The following MBP variants were observed in gnomAD, a reference collection of about 807,000 sequenced individuals.
MBP encodes Golli-MBP.
Under a neutral mutation model 35.8 loss-of-function variants are expected in MBP, and 16 were observed. The observed-to-expected ratio is 0.45, with a 90% CI of 0.30 to 0.68. The LOEUF (loss-of-function observed/expected upper bound fraction) is 0.68. MBP is among the 30% of genes least tolerant of loss of function. The pLI is 0.08. For synonymous variants in MBP, 143 were observed against 159.6 expected (o/e 0.90, Z 0.78); for missense variants, 380 against 404.7 (o/e 0.94, Z 0.52).
chr18:77,120,306 G>C (rs558205829), intron 1 of MBP, among the ~76,000 whole-genome samples: 3 of 152,218 alleles, frequency 2.0e-5, no homozygotes, highest in African/African-American at 7.2e-5. Flanking sequence ...TGACCGGCAC[G>C]GCCAGGTGAC....
chr18:77,015,669 C>T (rs1971585512), intron 4 of MBP: 1 of 985,338 alleles, frequency 1.0e-6, no homozygotes, highest in Admixed American at 6.1e-5. Context: ...CTTCGATGTG[C>T]TTTCACGCCC....
At position 77,017,019 on chromosome 18, in the gene MBP, C is replaced by G. The variant is rs775843133; in HGVS notation, c.389G>C (p.Ser130Thr). Residue 130 changes from serine (S) to threonine (T), a missense_variant, in exon 4 of 9, where the codon AGC (serine) becomes ACC (threonine). Ser to Thr is a moderately conservative substitution (Grantham distance 58). Transcript: ENST00000355994. ...CTTCTGTGACGCCATCACATCCAGG[C>G]TCTCGGAGGTGGCTGCACTGTCTTC... ...IQEDSAATSE[S>T]LDVMASQKRP... The G allele has an allele frequency of 3.1e-6, 5 of 1,614,050 alleles. No individual in the cohort carries two copies. The East Asian group carries it at 8.9e-5, about 29-fold the overall frequency.
At chr18:77,004,526 C>A (rs886374393) in intron 4 of MBP, 2 of 152,194 alleles carry the variant, frequency 1.3e-5, no homozygotes, top group African/African-American at 2.4e-5. Context: ...ATGAAAGTCA[C>A]GGGCATTTAC....
In MBP at chr18:76,980,068, G is replaced by A; in HGVS notation, c.*359C>T. 1 of 699,590 alleles carries A rather than the reference G, an allele frequency of 1.4e-6. No homozygotes were observed. Among genetic ancestry groups the A allele is most frequent in the Non-Finnish European group, 2.6e-6 (1 of 384,286 alleles). The allele number at this position is 699,590 out of a possible 1,614,324, so 43.3% of individuals were successfully genotyped here. On this transcript the variant is annotated 3_prime_UTR_variant, in exon 9 of 9. Transcript: ENST00000355994. ...ATGGCAGTGACCAGCAAAAGCGCAAGGGTGCCGCAGCCACGGCGAAAAGAA... is the reference window on the plus strand; with the variant it reads ...ATGGCAGTGACCAGCAAAAGCGCAAAGGTGCCGCAGCCACGGCGAAAAGAA...
intron 4 of MBP, among the ~76,000 whole-genome samples, chr18:76,994,156 G>A (rs1970136379): frequency 1.3e-5 from 2 of 152,200 alleles, no homozygotes; most frequent in African/African-American, 2.4e-5. Flanking sequence ...ACTGTAAGAC[G>A]TACATCTTTA....
At chr18:77,010,095 G>A (rs1293401737) in intron 4 of MBP, 1 of 613,162 alleles carries the variant, frequency 1.6e-6, no homozygotes. Context: ...GAAGGCATGT[G>A]CAGATGATGG....
chr18:77,037,864 C>T (rs923579128), intron 3 of MBP, among the ~76,000 whole-genome samples: 5 of 152,178 alleles, frequency 3.3e-5, no homozygotes, highest in African/African-American at 7.2e-5. Context: ...ACAGGCCTCC[C>T]GAGGTCTGCA....
chr18:77,017,850 TCTC>T (rs929351837), intron 3 of MBP: 3 of 152,210 alleles, frequency 2.0e-5, no homozygotes, highest in African/African-American at 7.2e-5. Context: ...TGACTTGGCT[TCTC>T]CTCTGGAAGC....
At chr18:77,095,748 G>A (rs533899491) in intron 2 of MBP, among the ~76,000 whole-genome samples, 1 of 152,322 alleles carries the variant, frequency 6.6e-6, no homozygotes, top group South Asian at 2.1e-4. Flanking sequence ...ACCCAGTCTT[G>A]TGGCTTCTGG....
intron 2 of MBP, among the ~76,000 whole-genome samples, chr18:77,094,924 C>A (rs1975698040): frequency 6.6e-6 from 1 of 152,206 alleles, no homozygotes; most frequent in African/African-American, 2.4e-5. Flanking sequence ...AACGTGTCAC[C>A]AGGCAGCACA....
chr18:77,096,696 A>T (rs1423591723), intron 2 of MBP, among the ~76,000 whole-genome samples: 1 of 152,152 alleles, frequency 6.6e-6, no homozygotes, highest in Non-Finnish European at 1.5e-5. Context: ...TTCTCAGCCC[A>T]CCCACAGCTG....
At chr18:77,088,909 G>C (rs1975389028) in intron 2 of MBP, among the ~76,000 whole-genome samples, 1 of 152,216 alleles carries the variant, frequency 6.6e-6, no homozygotes, top group African/African-American at 2.4e-5. Context: ...GTCTGCATGG[G>C]CTACAAGGCC....
chr18:77,063,681 A>G (rs540694568), intron 3 of MBP, among the ~76,000 whole-genome samples: 56 of 152,320 alleles, frequency 3.7e-4, no homozygotes, highest in Middle Eastern at 3.4e-3. Flanking sequence ...TTGTGAAATG[A>G]TGGAAATATT....
intron 3 of MBP, among the ~76,000 whole-genome samples, chr18:77,033,854 C>G (rs748656835): frequency 2.0e-5 from 3 of 151,822 alleles, no homozygotes; most frequent in Non-Finnish European, 4.4e-5. Flanking sequence ...ATCCATCCAT[C>G]CACATATCCA....
At chr18:77,082,724 C>T (rs1975007525) in intron 2 of MBP, among the ~76,000 whole-genome samples, 1 of 149,338 alleles carries the variant, frequency 6.7e-6, no homozygotes, top group Admixed American at 6.7e-5. Flanking sequence ...CCATGTGGCT[C>T]AGAAGGATGA....
At chr18:77,080,811 G>A (rs1000089544) in intron 2 of MBP, among the ~76,000 whole-genome samples, 1 of 152,090 alleles carries the variant, frequency 6.6e-6, no homozygotes, top group Non-Finnish European at 1.5e-5. Flanking sequence ...AGCCTCCCGA[G>A]TAGCTGGATT....
chr18:77,084,135 GACA>G (rs1975098994), intron 2 of MBP, among the ~76,000 whole-genome samples: 1 of 152,034 alleles, frequency 6.6e-6, no homozygotes, highest in Non-Finnish European at 1.5e-5. Context: ...TTTTCCCACA[GACA>G]ACATTACTTA....
chr18:77,037,243 C>A (rs1353741469), intron 3 of MBP, among the ~76,000 whole-genome samples: 2 of 145,236 alleles, frequency 1.4e-5, no homozygotes, highest in African/African-American at 5.2e-5. Context: ...CTGAGCTGAG[C>A]AAGTGCTGGT....
At chr18:77,081,778 A>ATACGTATATATATATG (rs1974921916) in intron 2 of MBP, among the ~76,000 whole-genome samples, 11 of 149,024 alleles carry the variant, frequency 7.4e-5, no homozygotes, top group African/African-American at 2.5e-4. Flanking sequence ...ACACACACAC[A>ATACGTATATATATATG]CACACACACA....
Sources: allele counts gnomAD v4.1 joint callset (sites outside exome capture counted in the v4.1 genomes callset), GRCh38; gene constraint gnomAD v4.1.1; transcripts MANE v1.5; gene names NCBI Gene and HGNC (gene_info 2026-07-23, HGNC 2026-07-21).